CALN1: variants seen among roughly 807,000 people sequenced by gnomAD.
The protein encoded by CALN1 is calneuron 1, also known as calcium-binding protein 8.
CALN1 carries 17 observed loss-of-function variants against 30.6 expected under a neutral mutation model. The ratio of observed to expected loss-of-function variants is 0.56; its 90% CI spans 0.38 to 0.83. The LOEUF (loss-of-function observed/expected upper bound fraction) is 0.83. CALN1 is among the 40% of genes least tolerant of loss of function. The probability of loss-of-function intolerance (pLI) is 0.00; values close to 1 mark genes in which losing one functional copy is unlikely to be tolerated. For missense variants in CALN1, 291 were observed against 354.9 expected (o/e 0.82, Z 1.45); for synonymous variants, 156 against 131.4 (o/e 1.19, Z -1.28).
At chr7:71,906,617 A>T (rs1481380927) in intron 5 of CALN1, among the ~76,000 whole-genome samples, 2 of 152,170 alleles carry the variant, frequency 1.3e-5, no homozygotes, top group Admixed American at 1.3e-4. Flanking sequence ...GATGGTGACA[A>T]GCTTGATGTA....
rs1249191292 is a variant in CALN1 at position 71,784,733 on chromosome 7, G to T, written c.*3042C>A. On this transcript the variant is annotated 3_prime_UTR_variant, in exon 7 of 7. Coordinates refer to ENST00000395275, the MANE Select transcript of CALN1 (RefSeq NM_031468.4). ...ACACAGTTGGGCAGCCAAGGTCACT[G>T]GTTCCTAAGTCCGGAGGACAGAATG... is the stretch of plus-strand genomic sequence containing the variant. 7.5e-6 allele frequency: 3 copies of T among 398,300 alleles called. No individual in the cohort carries two copies. The highest frequency in any genetic ancestry group is 1.3e-5 in the Non-Finnish European group (3 of 226,018). 24.7% of individuals were successfully genotyped at this position (398,300 alleles called of 1,614,324 possible).
intron 3 of CALN1, among the ~76,000 whole-genome samples, chr7:72,125,401 G>C (rs1192136906): frequency 1.3e-5 from 2 of 152,218 alleles, no homozygotes; most frequent in African/African-American, 4.8e-5. Context: ...CTAGGAGCAG[G>C]ATATGGCAGT....
intron 3 of CALN1, among the ~76,000 whole-genome samples, chr7:72,252,360 G>C (rs901714631): frequency 6.6e-6 from 1 of 152,242 alleles, no homozygotes; most frequent in African/African-American, 2.4e-5. Context: ...AGCACTTAGG[G>C]AGGCCAAGGC....
chr7:71,927,454 C>T (rs1795326947), intron 5 of CALN1, among the ~76,000 whole-genome samples: 1 of 152,226 alleles, frequency 6.6e-6, no homozygotes, highest in Non-Finnish European at 1.5e-5. Flanking sequence ...AGGTGATCCA[C>T]CCGCCTCAGC....
intron 4 of CALN1, among the ~76,000 whole-genome samples, chr7:72,083,998 C>T (rs1805323043): frequency 6.6e-6 from 1 of 151,752 alleles, no homozygotes; most frequent in Non-Finnish European, 1.5e-5. Context: ...CACTTAAGGT[C>T]TGGAGCTCAA....
intron 5 of CALN1, among the ~76,000 whole-genome samples, chr7:71,863,501 T>G (rs1791412512): frequency 7.6e-6 from 1 of 131,202 alleles, no homozygotes; most frequent in African/African-American, 2.9e-5. Flanking sequence ...GGGATTACGG[T>G]GAGCTGAGTT....
chr7:72,268,652 C>T (rs765481235), intron 3 of CALN1, among the ~76,000 whole-genome samples: 2 of 151,988 alleles, frequency 1.3e-5, no homozygotes, highest in Non-Finnish European at 2.9e-5. Flanking sequence ...AAAAAATTAT[C>T]CAGGCATGGT....
chr7:72,332,008 T>G (rs975563658), intron 2 of CALN1, among the ~76,000 whole-genome samples: 2 of 152,240 alleles, frequency 1.3e-5, no homozygotes, highest in Non-Finnish European at 2.9e-5. Context: ...GCTCCATCCA[T>G]GTCCCTGCAA....
intron 5 of CALN1, among the ~76,000 whole-genome samples, chr7:71,879,053 T>G (rs1413080574): frequency 1.3e-5 from 2 of 152,188 alleles, no homozygotes; most frequent in African/African-American, 4.8e-5. Context: ...ACATTTTTAT[T>G]GTCTAAGAGT....
At chr7:72,231,077 GT>G (rs1794065697) in intron 3 of CALN1, among the ~76,000 whole-genome samples, 1 of 151,938 alleles carries the variant, frequency 6.6e-6, no homozygotes, top group Non-Finnish European at 1.5e-5. Flanking sequence ...CAGTCACTCA[GT>G]AGCTGACTGA....
intron 2 of CALN1, among the ~76,000 whole-genome samples, chr7:72,306,921 T>C (rs111851645): frequency 1.6e-4 from 24 of 152,288 alleles, no homozygotes; most frequent in Admixed American, 4.6e-4. Flanking sequence ...TGACTCTTCG[T>C]TGACACTCCC....
At chr7:71,874,340 T>C (rs369009318) in intron 5 of CALN1, among the ~76,000 whole-genome samples, 14 of 148,910 alleles carry the variant, frequency 9.4e-5, no homozygotes, top group Admixed American at 2.0e-4. Flanking sequence ...AACAGAAAGA[T>C]TCATCCATCA....
chr7:71,790,805 C>T (rs911404977), intron 6 of CALN1, among the ~76,000 whole-genome samples: 3 of 152,122 alleles, frequency 2.0e-5, no homozygotes, highest in Non-Finnish European at 4.4e-5. Context: ...TGCTAGACAT[C>T]CACTCGGGAG....
rs555591397 is a variant in CALN1 at position 71,788,807 on chromosome 7, G to A, written c.659-905C>T. ...TGAGTAGCTGGGACTATAGGCGCCC[G>A]CCACCATGCCCGGCTAATTTTTTGT... On this transcript the variant is annotated intron_variant, in intron 6 of 6. Transcript: ENST00000395275. Among the ~76,000 whole-genome samples the A allele has an allele frequency of 1.8e-3, 279 of 151,972 alleles. 3 individuals carry two copies. Among genetic ancestry groups the A allele is most frequent in the African/African-American group, 6.6e-3 (272 of 41,472 alleles).
intron 3 of CALN1, among the ~76,000 whole-genome samples, chr7:72,172,601 A>C (rs1410478375): frequency 6.6e-6 from 1 of 152,236 alleles, no homozygotes; most frequent in African/African-American, 2.4e-5. Flanking sequence ...CATCATGACT[A>C]AGTAGGGTTT....
intron 5 of CALN1, among the ~76,000 whole-genome samples, chr7:71,944,500 A>T (rs776174856): frequency 1.4e-5 from 2 of 146,734 alleles, no homozygotes; most frequent in African/African-American, 5.0e-5. Flanking sequence ...AGGCTGAGGC[A>T]GGAGAATCGC....
intron 2 of CALN1, among the ~76,000 whole-genome samples, chr7:72,349,111 G>C (rs897851347): frequency 9.2e-5 from 14 of 152,186 alleles, no homozygotes; most frequent in Non-Finnish European, 2.1e-4. Flanking sequence ...ATTAGGTATT[G>C]TAGAAAAATA....
At chr7:72,316,309 G>A (rs1217603568) in intron 2 of CALN1, among the ~76,000 whole-genome samples, 1 of 151,708 alleles carries the variant, frequency 6.6e-6, no homozygotes, top group Non-Finnish European at 1.5e-5. Flanking sequence ...GTAATATTAG[G>A]GTGGTGCAAA....
intron 2 of CALN1, among the ~76,000 whole-genome samples, chr7:72,335,119 G>C (rs529668223): frequency 6.6e-6 from 1 of 152,270 alleles, no homozygotes; most frequent in East Asian, 1.9e-4. Flanking sequence ...ACAGGTAGCA[G>C]ATAAAAATCA....
Sources: allele counts gnomAD v4.1 joint callset (sites outside exome capture counted in the v4.1 genomes callset), GRCh38; gene constraint gnomAD v4.1.1; transcripts MANE v1.5; gene names NCBI Gene and HGNC (gene_info 2026-07-23, HGNC 2026-07-21).